MAGI1: variants seen among roughly 807,000 people sequenced by gnomAD.
The protein encoded by MAGI1 is membrane-associated guanylate kinase, WW and PDZ domain-containing protein 1.
Under a neutral mutation model 139.9 loss-of-function variants are expected in MAGI1, and 58 were observed. The ratio of observed to expected loss-of-function variants is 0.41; its 90% CI spans 0.34 to 0.52. MAGI1 has a LOEUF of 0.52. Among genes scored for constraint, MAGI1 ranks in the 20% least tolerant of loss-of-function variants. MAGI1 has a pLI of 0.12. For missense variants in MAGI1, 1,874 were observed against 1,901.6 expected (o/e 0.99, Z 0.27); for synonymous variants, 812 against 737.9 (o/e 1.10, Z -1.63).
At chr3:65,467,491 T>A (rs1003342807) in intron 5 of MAGI1, among the ~76,000 whole-genome samples, 1 of 152,234 alleles carries the variant, frequency 6.6e-6, no homozygotes, top group Non-Finnish European at 1.5e-5. Context: ...TGAAATTTGA[T>A]AGTTGCAGCC....
intron 12 of MAGI1, among the ~76,000 whole-genome samples, chr3:65,410,238 C>T (rs1015114923): frequency 3.3e-5 from 5 of 152,138 alleles, no homozygotes; most frequent in Admixed American, 6.5e-5. Context: ...TGAAGTATGC[C>T]TAAAGGTTGA....
chr3:65,741,882 G>T (rs931270507), intron 1 of MAGI1, among the ~76,000 whole-genome samples: 1 of 152,074 alleles, frequency 6.6e-6, no homozygotes, highest in Middle Eastern at 3.2e-3. Flanking sequence ...TAATCCCCAC[G>T]ACCAATTTTA....
intron 2 of MAGI1, among the ~76,000 whole-genome samples, chr3:65,548,315 C>T (rs1190445509): frequency 1.3e-5 from 2 of 152,012 alleles, no homozygotes; most frequent in East Asian, 3.9e-4. Flanking sequence ...CAATGAGGGA[C>T]AAGAGGGGCA....
At chr3:65,933,622 A>C (rs569926069) in intron 1 of MAGI1, among the ~76,000 whole-genome samples, 1 of 152,284 alleles carries the variant, frequency 6.6e-6, no homozygotes, top group Admixed American at 6.5e-5. Flanking sequence ...AAGGCCATGA[A>C]TATATGGAGG....
intron 1 of MAGI1, among the ~76,000 whole-genome samples, chr3:65,776,393 T>G (rs2107976017): frequency 6.6e-6 from 1 of 152,226 alleles, no homozygotes; most frequent in East Asian, 1.9e-4. Flanking sequence ...TTCCAAAAAT[T>G]TTTCAAAGCC....
intron 16 of MAGI1, among the ~76,000 whole-genome samples, chr3:65,380,098 T>C (rs1942919613): frequency 6.6e-6 from 1 of 152,214 alleles, no homozygotes; most frequent in Admixed American, 6.5e-5. Context: ...CTGTGAGACA[T>C]ACACATGCTT....
chr3:65,411,698 C>A (rs1446211940), intron 12 of MAGI1, among the ~76,000 whole-genome samples: 1 of 152,092 alleles, frequency 6.6e-6, no homozygotes, highest in Non-Finnish European at 1.5e-5. Flanking sequence ...TTTTGCATTG[C>A]TGACTTTTAG....
At chr3:65,664,800 T>C (rs2086407711) in intron 1 of MAGI1, among the ~76,000 whole-genome samples, 1 of 152,290 alleles carries the variant, frequency 6.6e-6, no homozygotes, top group African/African-American at 2.4e-5. Context: ...TGTGAACAAA[T>C]GTGCTTTTTA....
intron 2 of MAGI1, among the ~76,000 whole-genome samples, chr3:65,597,318 C>T (rs535575674): frequency 7.0e-6 from 1 of 142,676 alleles, no homozygotes; most frequent in African/African-American, 2.6e-5. Flanking sequence ...CCCGGGCTGA[C>T]GAGCACACTT....
chr3:65,901,794 T>G (rs1412669953), intron 1 of MAGI1, among the ~76,000 whole-genome samples: 1 of 152,238 alleles, frequency 6.6e-6, no homozygotes, highest in Non-Finnish European at 1.5e-5. Context: ...CAATTTTGCA[T>G]GTATACATCC....
chr3:65,798,562 A>G (rs1208898436), intron 1 of MAGI1, among the ~76,000 whole-genome samples: 1 of 152,108 alleles, frequency 6.6e-6, no homozygotes, highest in Non-Finnish European at 1.5e-5. Flanking sequence ...ATGGCTTAGG[A>G]AGGATGCTCT....
At chr3:65,749,711 A>T (rs62904161) in intron 1 of MAGI1, among the ~76,000 whole-genome samples, 25 of 44,584 alleles carry the variant, frequency 5.6e-4, no homozygotes, top group Middle Eastern at 8.9e-3. Flanking sequence ...AGTCTGAGTT[A>T]AAAAAAAAAA....
chr3:65,418,203 T>C (rs1324444608), intron 12 of MAGI1, among the ~76,000 whole-genome samples: 2 of 152,150 alleles, frequency 1.3e-5, no homozygotes, highest in African/African-American at 4.8e-5. Flanking sequence ...CATTCACCTA[T>C]TATCCAAATA....
intron 1 of MAGI1, among the ~76,000 whole-genome samples, chr3:65,746,990 T>C (rs1024654371): frequency 3.3e-5 from 5 of 152,202 alleles, no homozygotes; most frequent in Non-Finnish European, 7.3e-5. Context: ...GGAAGACGCC[T>C]TGATGAGGCA....
In MAGI1 at chr3:65,957,527, AAAAAAAAG is replaced by A. The variant is rs199662920; in HGVS notation, c.313+80461_313+80468del. 7.1e-3 allele frequency among the ~76,000 whole-genome samples: 945 copies of A among 132,894 alleles called. 13 individuals are homozygous for A. Among genetic ancestry groups the A allele is most frequent in the East Asian group, 0.042 (196 of 4,620 alleles). 87.2% of individuals were successfully genotyped at this position (132,894 alleles called of 152,430 possible). On this transcript the variant is annotated intron_variant, in intron 1 of 22. Transcript: ENST00000402939. The stretch of plus-strand genomic sequence containing the variant: ...CAGAGCAAGACTTCATCTCAAAAAA[AAAAAAAAG>A]AAAAAGAAAAGAAAAAGGAATGAAC...
intron 1 of MAGI1, among the ~76,000 whole-genome samples, chr3:65,770,261 T>C (rs1298015744): frequency 1.3e-5 from 2 of 152,228 alleles, no homozygotes; most frequent in South Asian, 2.1e-4. Flanking sequence ...GACTGTCTCA[T>C]AGAAAACTAA....
chr3:65,910,708 T>C (rs2061624122), intron 1 of MAGI1, among the ~76,000 whole-genome samples: 1 of 152,096 alleles, frequency 6.6e-6, no homozygotes, highest in Non-Finnish European at 1.5e-5. Flanking sequence ...AGTAGCTTCC[T>C]ATCACTTTCA....
chr3:65,602,863 G>A (rs954357575), intron 2 of MAGI1, among the ~76,000 whole-genome samples: 1 of 151,950 alleles, frequency 6.6e-6, no homozygotes, highest in Non-Finnish European at 1.5e-5. Flanking sequence ...CATGAGTGGG[G>A]AAAGGAGAAA....
intron 13 of MAGI1, among the ~76,000 whole-genome samples, chr3:65,396,969 T>C (rs1038328274): frequency 3.3e-5 from 5 of 152,322 alleles, no homozygotes; most frequent in Admixed American, 2.0e-4. Context: ...CTGGTTCACA[T>C]TGCATGTTTT....
Sources: gnomAD v4.1 joint callset for allele counts (sites outside exome capture counted in the v4.1 genomes callset) on GRCh38, gnomAD v4.1.1 for gene constraint, MANE v1.5 for transcripts, NCBI Gene and HGNC (gene_info 2026-07-23, HGNC 2026-07-21) for gene names.